The following DCC variants were observed in gnomAD, a reference collection of about 807,000 sequenced individuals.
DCC encodes the protein netrin receptor DCC.
DCC carries 58 observed loss-of-function variants against 172.5 expected under a neutral mutation model. That is an observed-to-expected ratio of 0.34 (90% CI 0.27 to 0.42). The LOEUF (loss-of-function observed/expected upper bound fraction) is 0.42, where lower values mean the gene tolerates loss of function less well. DCC is among the 10% of genes least tolerant of loss of function. The pLI, the probability that DCC is intolerant of heterozygous loss-of-function variation, is 1.00. For missense variants in DCC, 1,740 were observed against 1,791.0 expected (o/e 0.97, Z 0.51); for synonymous variants, 709 against 644.5 (o/e 1.10, Z -1.52).
intron 2 of DCC, among the ~76,000 whole-genome samples, chr18:52,888,325 G>T (rs2039598230): frequency 6.6e-6 from 1 of 152,118 alleles, no homozygotes; most frequent in African/African-American, 2.4e-5. Context: ...ACAGTATGTG[G>T]TCTTCTCAGT....
At chr18:53,066,625 G>T (rs1457835591) in intron 7 of DCC, among the ~76,000 whole-genome samples, 2 of 150,950 alleles carry the variant, frequency 1.3e-5, no homozygotes, top group Admixed American at 6.6e-5. Context: ...AGTTATATAT[G>T]TGCATATATA....
chr18:53,095,222 G>A (rs1272812772), intron 7 of DCC, among the ~76,000 whole-genome samples: 1 of 152,110 alleles, frequency 6.6e-6, no homozygotes, highest in Non-Finnish European at 1.5e-5. Context: ...CTCATTTCAG[G>A]AAACCTGCTT....
chr18:53,024,925 T>C (rs959720609), intron 5 of DCC, among the ~76,000 whole-genome samples: 3 of 152,110 alleles, frequency 2.0e-5, no homozygotes, highest in East Asian at 1.9e-4. Context: ...ACCATCTTCA[T>C]AGAAACAAGA....
intron 7 of DCC, among the ~76,000 whole-genome samples, chr18:53,146,187 C>T (rs1224301454): frequency 2.6e-5 from 4 of 151,992 alleles, no homozygotes; most frequent in African/African-American, 9.7e-5. Context: ...TGCCACTGTA[C>T]TCTAGCCTGG....
intron 1 of DCC, among the ~76,000 whole-genome samples, chr18:52,382,598 G>T (rs1568142799): frequency 6.6e-6 from 1 of 152,106 alleles, no homozygotes; most frequent in South Asian, 2.1e-4. Context: ...ATACTCTGGT[G>T]TTGTAATGAC....
chr18:52,735,682 A>T (rs1173009932), intron 1 of DCC, among the ~76,000 whole-genome samples: 1 of 152,076 alleles, frequency 6.6e-6, no homozygotes, highest in Admixed American at 6.5e-5. Flanking sequence ...AGCATCCAGC[A>T]TGGGAGAAGG....
In DCC at chr18:53,028,957, A is replaced by G. The variant is rs191995531; in HGVS notation, c.986-34348A>G. Among the ~76,000 whole-genome samples, 206 of 152,304 alleles carry G rather than the reference A, an allele frequency of 1.4e-3. 1 individual carries two copies. Among genetic ancestry groups the G allele is most frequent in the African/African-American group, 4.3e-3 (178 of 41,576 alleles). ...AGTTTTTTCTTTTTCCATTTGAGCT[A>G]TAGTTTTAAGAGGGAGAAATGCATA... On this transcript the variant is annotated intron_variant, in intron 5 of 28. Transcript: ENST00000442544.
At chr18:52,998,229 A>T (rs2041512875) in intron 5 of DCC, among the ~76,000 whole-genome samples, 1 of 152,070 alleles carries the variant, frequency 6.6e-6, no homozygotes, top group African/African-American at 2.4e-5. Context: ...GGAAAGTTCT[A>T]TTAGCAGGAA....
chr18:53,102,944 C>T (rs1454111918), intron 7 of DCC, among the ~76,000 whole-genome samples: 1 of 151,994 alleles, frequency 6.6e-6, no homozygotes, highest in Non-Finnish European at 1.5e-5. Flanking sequence ...TTTATCCTTG[C>T]CACTTAAGGA....
At chr18:52,807,891 G>C (rs2038117792) in intron 2 of DCC, among the ~76,000 whole-genome samples, 1 of 152,100 alleles carries the variant, frequency 6.6e-6, no homozygotes, top group Admixed American at 6.5e-5. Flanking sequence ...ATCTCTCCTG[G>C]ATACATATGG....
intron 1 of DCC, among the ~76,000 whole-genome samples, chr18:52,534,900 A>G (rs889540196): frequency 6.6e-6 from 1 of 152,172 alleles, no homozygotes; most frequent in Non-Finnish European, 1.5e-5. Context: ...TTGGCTTCCC[A>G]TTGTAACTTT....
At chr18:52,900,295 G>A (rs1362197583) in intron 2 of DCC, among the ~76,000 whole-genome samples, 1 of 152,156 alleles carries the variant, frequency 6.6e-6, no homozygotes, top group East Asian at 1.9e-4. Context: ...AACAGGCATT[G>A]AGCAACACTT....
intron 1 of DCC, among the ~76,000 whole-genome samples, chr18:52,584,886 G>A (rs2033636942): frequency 1.3e-5 from 2 of 151,918 alleles, no homozygotes. Context: ...ATCACCCAAT[G>A]CTATGGCATA....
chr18:52,899,222 T>C (rs1041778237), intron 2 of DCC, among the ~76,000 whole-genome samples: 37 of 152,224 alleles, frequency 2.4e-4, no homozygotes, highest in African/African-American at 8.7e-4. Context: ...TGATCATAGC[T>C]TACTGCAGCC....
At chr18:52,582,377 A>G (rs545553897) in intron 1 of DCC, among the ~76,000 whole-genome samples, 2 of 152,324 alleles carry the variant, frequency 1.3e-5, no homozygotes, top group East Asian at 3.9e-4. Context: ...TGTAAAAAGT[A>G]GTTGAATTAT....
intron 9 of DCC, among the ~76,000 whole-genome samples, chr18:53,194,451 GTTGTTGTTGTTT>G (rs1365660736): frequency 6.6e-6 from 1 of 151,498 alleles, no homozygotes; most frequent in Non-Finnish European, 1.5e-5. Context: ...GTGGTTTTTT[GTTGTTGTTGTTT>G]TTGTTGTTGT....
intron 27 of DCC, among the ~76,000 whole-genome samples, chr18:53,515,878 G>C (rs1296738441): frequency 3.3e-5 from 5 of 151,930 alleles, no homozygotes; most frequent in Admixed American, 3.3e-4. Context: ...TACTGCCCAA[G>C]GTAATTTACA....
At chr18:52,727,380 A>C (rs2036567086) in intron 1 of DCC, among the ~76,000 whole-genome samples, 1 of 152,176 alleles carries the variant, frequency 6.6e-6, no homozygotes, top group Non-Finnish European at 1.5e-5. Flanking sequence ...AGTTAGGATA[A>C]GGACTTTGAA....
chr18:53,447,548 A>G (rs1001746754), intron 22 of DCC, among the ~76,000 whole-genome samples: 3 of 152,154 alleles, frequency 2.0e-5, no homozygotes, highest in Non-Finnish European at 4.4e-5. Flanking sequence ...AAAGAAATAG[A>G]AGTAGAAATT....
Sources: gnomAD v4.1 joint callset for allele counts (sites outside exome capture counted in the v4.1 genomes callset) on GRCh38, gnomAD v4.1.1 for gene constraint, MANE v1.5 for transcripts, NCBI Gene and HGNC (gene_info 2026-07-23, HGNC 2026-07-21) for gene names.